Variants in RALYL observed in about 807,000 individuals in gnomAD.
RALYL encodes the protein RNA-binding Raly-like protein.
RALYL carries 29 observed loss-of-function variants against 35.1 expected under a neutral mutation model. The observed-to-expected ratio is 0.83, with a 90% CI of 0.61 to 1.13. The LOEUF is 1.13. Among genes scored for constraint, RALYL ranks in the 50% most tolerant of loss-of-function variants. RALYL has a pLI of 0.00. For synonymous variants in RALYL, 120 were observed against 127.6 expected (o/e 0.94, Z 0.40); for missense variants, 359 against 360.4 (o/e 1.00, Z 0.03).
intron 1 of RALYL, among the ~76,000 whole-genome samples, chr8:84,443,663 G>A (rs771044843): frequency 7.9e-5 from 12 of 152,124 alleles, no homozygotes; most frequent in South Asian, 6.2e-4. Flanking sequence ...GCATGAGGGC[G>A]CTAAGTGAAG....
chr8:84,654,270 CATATATATATAT>C lies in RALYL; in HGVS notation c.257-120276_257-120265del, dbSNP rs143309933. On this transcript the variant is annotated intron_variant, in intron 2 of 8. Transcript: ENST00000521268. ...CAACGTATATGTATATCTCATGTTC[CATATATATATAT>C]ATATATATATATATATATATATATA... is the stretch of plus-strand genomic sequence containing the variant. 7.0e-3 allele frequency among the ~76,000 whole-genome samples: 312 copies of C among 44,528 alleles called. 7 individuals are homozygous for C. The highest frequency in any genetic ancestry group is 0.016 in the Middle Eastern group (1 of 64). The allele number at this position is 44,528 out of a possible 152,430, so 29.2% of individuals were successfully genotyped here.
intron 2 of RALYL, among the ~76,000 whole-genome samples, chr8:84,677,077 G>A (rs1834363077): frequency 6.6e-6 from 1 of 152,100 alleles, no homozygotes; most frequent in Admixed American, 6.6e-5. Flanking sequence ...TGGGATTACA[G>A]GCATGAGCCA....
At chr8:84,777,110 C>T (rs1817012759) in intron 3 of RALYL, among the ~76,000 whole-genome samples, 1 of 152,174 alleles carries the variant, frequency 6.6e-6, no homozygotes, top group African/African-American at 2.4e-5. Context: ...GATAACTCTA[C>T]AAAATTGGTA....
intron 1 of RALYL, among the ~76,000 whole-genome samples, chr8:84,322,855 T>C (rs1172155430): frequency 6.6e-6 from 1 of 152,110 alleles, no homozygotes; most frequent in Non-Finnish European, 1.5e-5. Context: ...GGTCAAGTTA[T>C]TGCTGCTAGG....
chr8:84,474,824 G>A (rs2053201726), intron 1 of RALYL, among the ~76,000 whole-genome samples: 1 of 151,988 alleles, frequency 6.6e-6, no homozygotes, highest in African/African-American at 2.4e-5. Context: ...CTATTTCTTC[G>A]AAAAAAGGAA....
intron 1 of RALYL, among the ~76,000 whole-genome samples, chr8:84,436,004 C>T (rs907493846): frequency 2.6e-5 from 4 of 152,072 alleles, no homozygotes; most frequent in African/African-American, 9.7e-5. Context: ...GTATACTGCT[C>T]AGGTGATGGG....
At chr8:84,239,019 T>C (rs1471295588) in intron 1 of RALYL, among the ~76,000 whole-genome samples, 2 of 152,182 alleles carry the variant, frequency 1.3e-5, no homozygotes, top group Non-Finnish European at 2.9e-5. Flanking sequence ...TCTTATACCA[T>C]GTTAGGCACC....
chr8:84,342,308 G>A (rs895151394), intron 1 of RALYL, among the ~76,000 whole-genome samples: 5 of 67,960 alleles, frequency 7.4e-5, no homozygotes, highest in Non-Finnish European at 1.4e-4. Flanking sequence ...AACTCAAAAA[G>A]TGTGGTCCTC....
At chr8:84,823,565 G>A (rs1828963597) in intron 4 of RALYL, among the ~76,000 whole-genome samples, 1 of 151,926 alleles carries the variant, frequency 6.6e-6, no homozygotes, top group Non-Finnish European at 1.5e-5. Flanking sequence ...CTATATCAAG[G>A]GAGACTAGAA....
chr8:84,815,412 TTATA>T (rs1300733921), intron 4 of RALYL, among the ~76,000 whole-genome samples: 1 of 147,912 alleles, frequency 6.8e-6, no homozygotes, highest in Non-Finnish European at 1.5e-5. Flanking sequence ...TATTTACTAT[TTATA>T]TATTTATTAA....
chr8:84,384,317 T>C (rs1036690425), intron 1 of RALYL, among the ~76,000 whole-genome samples: 18 of 151,842 alleles, frequency 1.2e-4, no homozygotes, highest in African/African-American at 3.4e-4. Flanking sequence ...CAAGCTATCA[T>C]CATTATGATT....
intron 1 of RALYL, among the ~76,000 whole-genome samples, chr8:84,217,917 A>G (rs75379428): frequency 0.034 from 5,103 of 152,202 alleles, 292 homozygotes; most frequent in African/African-American, 0.11. Context: ...CATACATGTG[A>G]AATGGCTATT....
At chr8:84,503,586 C>T (rs938735810) in intron 1 of RALYL, among the ~76,000 whole-genome samples, 41 of 152,216 alleles carry the variant, frequency 2.7e-4, no homozygotes, top group African/African-American at 9.1e-4. Context: ...CATGGTGGCT[C>T]ACACCTGTAA....
chr8:84,450,842 A>T (rs1202108941), intron 1 of RALYL, among the ~76,000 whole-genome samples: 1 of 152,132 alleles, frequency 6.6e-6, no homozygotes, highest in Middle Eastern at 3.4e-3. Context: ...ATTACTCAAT[A>T]TAACAGTTGC....
At chr8:84,871,005 A>G (rs1254070170) in intron 6 of RALYL, among the ~76,000 whole-genome samples, 2 of 152,072 alleles carry the variant, frequency 1.3e-5, no homozygotes, top group Non-Finnish European at 2.9e-5. Flanking sequence ...CTGCCCCCCC[A>G]TTCTAAGAGG....
chr8:84,574,569 C>A (rs950839473), intron 2 of RALYL, among the ~76,000 whole-genome samples: 1 of 152,004 alleles, frequency 6.6e-6, no homozygotes, highest in African/African-American at 2.4e-5. Flanking sequence ...CCTTTCACAC[C>A]TTTTTTTCAC....
intron 1 of RALYL, among the ~76,000 whole-genome samples, chr8:84,431,557 A>G (rs1037168853): frequency 2.0e-5 from 3 of 152,112 alleles, no homozygotes; most frequent in African/African-American, 7.2e-5. Context: ...TCCTACTAAC[A>G]CAACCACCCA....
rs189381125 is a variant in RALYL at position 84,315,409 on chromosome 8, G to A, written c.-24+130985G>A. On this transcript the variant is annotated intron_variant, in intron 1 of 8. Coordinates refer to ENST00000521268, the MANE Select transcript of RALYL (RefSeq NM_173848.7). ...AACTATTTGTATATAAAAGAACAAA[G>A]AACATTTGTACATATTTGTTGAATA... Among the ~76,000 whole-genome samples, 143 of 152,072 alleles carry A rather than the reference G, an allele frequency of 9.4e-4. 1 individual carries two copies. Among genetic ancestry groups the A allele is most frequent in the Non-Finnish European group, 2.6e-4 (18 of 67,940 alleles).
At chr8:84,891,560 T>C (rs1465517031) in intron 8 of RALYL, among the ~76,000 whole-genome samples, 1 of 152,088 alleles carries the variant, frequency 6.6e-6, no homozygotes, top group South Asian at 2.1e-4. Context: ...TGCCTGGAGG[T>C]ACTCATCAGG....
Sources: allele counts gnomAD v4.1 joint callset (sites outside exome capture counted in the v4.1 genomes callset), GRCh38; gene constraint gnomAD v4.1.1; transcripts MANE v1.5; gene names NCBI Gene and HGNC (gene_info 2026-07-23, HGNC 2026-07-21).